LRRTM4: variants seen among roughly 807,000 people sequenced by gnomAD.
LRRTM4 encodes the protein leucine rich repeat transmembrane neuronal 4.
In LRRTM4, 25 loss-of-function variants were observed where a neutral mutation model predicts 47.6. That is an observed-to-expected ratio of 0.53 (90% confidence interval 0.38 to 0.73). The LOEUF (loss-of-function observed/expected upper bound fraction) is 0.73, where lower values mean the gene tolerates loss of function less well. LRRTM4 is among the 30% of genes least tolerant of loss of function. LRRTM4 has a pLI of 0.00. For synonymous variants in LRRTM4, 311 were observed against 269.5 expected (o/e 1.15, Z -1.51); for missense variants, 638 against 713.4 (o/e 0.89, Z 1.20).
chr2:76,787,296 A>G (rs534103820), intron 3 of LRRTM4, among the ~76,000 whole-genome samples: 3 of 152,294 alleles, frequency 2.0e-5, no homozygotes, highest in Admixed American at 2.0e-4. Context: ...TTGGATTTGC[A>G]TTATAAATAT....
At chr2:76,988,410 C>T (rs1308845194) in intron 3 of LRRTM4, among the ~76,000 whole-genome samples, 4 of 151,596 alleles carry the variant, frequency 2.6e-5, no homozygotes, top group Non-Finnish European at 5.9e-5. Flanking sequence ...TATCCTTGAC[C>T]CAGCTGCTAA....
At chr2:76,800,297 C>T (rs1410509585) in intron 3 of LRRTM4, among the ~76,000 whole-genome samples, 260 of 148,980 alleles carry the variant, frequency 1.7e-3, no homozygotes, top group African/African-American at 5.7e-3. Context: ...GAAATAGTGC[C>T]GCATATCTAC....
rs138341220 is a variant in LRRTM4 at position 76,982,945 on chromosome 2, TTTTTG to T, written c.1552-234034_1552-234030del. Among the ~76,000 whole-genome samples, 278 of 152,158 alleles carry T rather than the reference TTTTTG, an allele frequency of 1.8e-3. 2 individuals are homozygous for T. The East Asian group carries it at 0.021, about 12-fold the overall frequency. On this transcript the variant is annotated intron_variant, in intron 3 of 3. Coordinates refer to ENST00000409884, the MANE Select transcript of LRRTM4 (RefSeq NM_001134745.3). Reference sequence around the variant, plus strand: ...GCATAAAAGCATTTTTTAAACTTCTTTTTTGTTTTAAGTTACAGATAAGTAAATTG... The same window carrying T: ...GCATAAAAGCATTTTTTAAACTTCTTTTTTAAGTTACAGATAAGTAAATTG...
At position 76,977,460 on chromosome 2, in the gene LRRTM4, G is replaced by A. The variant is rs902041958; in HGVS notation, c.1552-228544C>T. Among the ~76,000 whole-genome samples, 4 of 151,982 alleles carry A rather than the reference G, an allele frequency of 2.6e-5. No individual in the cohort carries two copies. The South Asian group carries it at 8.3e-4, about 32-fold the overall frequency. On this transcript the variant is annotated intron_variant, in intron 3 of 3. Transcript: ENST00000409884. ...AAGCTAACTCTGAAAAATTACAAATGTTGATTTGTTCTCAATATGAAACTA... is the reference window on the plus strand; with the variant it reads ...AAGCTAACTCTGAAAAATTACAAATATTGATTTGTTCTCAATATGAAACTA...
At chr2:77,066,097 C>T (rs1483135875) in intron 3 of LRRTM4, among the ~76,000 whole-genome samples, 8 of 152,112 alleles carry the variant, frequency 5.3e-5, no homozygotes, top group Non-Finnish European at 4.4e-5. Context: ...ATGGATTTTA[C>T]AATGTGAATA....
At chr2:76,790,677 G>C (rs1023648915) in intron 3 of LRRTM4, among the ~76,000 whole-genome samples, 1 of 151,950 alleles carries the variant, frequency 6.6e-6, no homozygotes, top group African/African-American at 2.4e-5. Flanking sequence ...ACAGTATCTT[G>C]TAGTGTTACT....
intron 3 of LRRTM4, among the ~76,000 whole-genome samples, chr2:77,204,670 T>G (rs1674071034): frequency 6.6e-6 from 1 of 152,170 alleles, no homozygotes; most frequent in Admixed American, 6.6e-5. Flanking sequence ...ATCATAACAC[T>G]TTCTGTGATT....
intron 3 of LRRTM4, among the ~76,000 whole-genome samples, chr2:76,854,048 A>G (rs72819250): frequency 0.15 from 22,146 of 152,150 alleles, 2,035 homozygotes; most frequent in Admixed American, 0.22. Flanking sequence ...CTTCAGTAGC[A>G]GTCACTCTGA....
chr2:77,462,889 G>A (rs1214965744), intron 3 of LRRTM4, among the ~76,000 whole-genome samples: 1 of 151,792 alleles, frequency 6.6e-6, no homozygotes, highest in Non-Finnish European at 1.5e-5. Flanking sequence ...TGGTGTGCAT[G>A]TGTGTGTCTG....
chr2:77,329,049 A>T (rs894237291), intron 3 of LRRTM4, among the ~76,000 whole-genome samples: 3 of 152,184 alleles, frequency 2.0e-5, no homozygotes, highest in African/African-American at 7.2e-5. Flanking sequence ...TGGCTGCTGA[A>T]CATTGATATC....
chr2:77,473,280 C>A, intron 3 of LRRTM4, among the ~76,000 whole-genome samples: 1 of 152,096 alleles, frequency 6.6e-6, no homozygotes, highest in East Asian at 1.9e-4. Context: ...CAATCTTAAT[C>A]ATTTTTCTAA....
At chr2:76,927,636 G>A (rs1310807366) in intron 3 of LRRTM4, among the ~76,000 whole-genome samples, 3 of 152,116 alleles carry the variant, frequency 2.0e-5, no homozygotes, top group Admixed American at 2.0e-4. Context: ...TGCAGCCAAT[G>A]GAATCCTAAT....
intron 3 of LRRTM4, among the ~76,000 whole-genome samples, chr2:77,162,680 A>T (rs905441619): frequency 1.3e-5 from 2 of 152,184 alleles, no homozygotes; most frequent in African/African-American, 4.8e-5. Context: ...TCTGTTTGGC[A>T]GCCTCCACTG....
chr2:76,878,328 C>A (rs1672833945), intron 3 of LRRTM4, among the ~76,000 whole-genome samples: 1 of 151,922 alleles, frequency 6.6e-6, no homozygotes, highest in Non-Finnish European at 1.5e-5. Context: ...TGAGAGGCAA[C>A]CATATTGAAA....
intron 3 of LRRTM4, among the ~76,000 whole-genome samples, chr2:77,470,542 A>C (rs1677151242): frequency 6.6e-6 from 1 of 152,178 alleles, no homozygotes; most frequent in South Asian, 2.1e-4. Context: ...TTGAGTAAGC[A>C]TTAAGTCCAA....
rs116291461 is a variant in LRRTM4 at position 77,279,684 on chromosome 2, A to G, written c.1551+238634T>C. ...AAATTGCTATTATGAAAAATTTTAA[A>G]TGTATAAAAATTAGACTAATATAAT... On this transcript the variant is annotated intron_variant, in intron 3 of 3. Coordinates refer to ENST00000409884, the MANE Select transcript of LRRTM4 (RefSeq NM_001134745.3). 4.5e-3 allele frequency among the ~76,000 whole-genome samples: 681 copies of G among 152,078 alleles called. 6 individuals are homozygous for G. The highest frequency in any genetic ancestry group is 0.016 in the African/African-American group (652 of 41,520).
At chr2:77,020,187 A>AT (rs35481529) in intron 3 of LRRTM4, among the ~76,000 whole-genome samples, 83,091 of 151,766 alleles carry the variant, frequency 0.55, 25,059 homozygotes, top group African/African-American at 0.8. Context: ...TAATAAAAAA[A>AT]ATAGAAGGCA....
chr2:77,252,111 A>G (rs1675634040), intron 3 of LRRTM4, among the ~76,000 whole-genome samples: 1 of 152,182 alleles, frequency 6.6e-6, no homozygotes, highest in Non-Finnish European at 1.5e-5. Context: ...ACCAAACTCA[A>G]GACAATAGTT....
intron 3 of LRRTM4, among the ~76,000 whole-genome samples, chr2:76,919,705 A>C (rs1236607663): frequency 1.3e-5 from 2 of 152,208 alleles, no homozygotes; most frequent in South Asian, 4.1e-4. Context: ...TTCTATTTTT[A>C]CAGCCATTTT....
Sources: gnomAD v4.1 joint callset for allele counts (sites outside exome capture counted in the v4.1 genomes callset) on GRCh38, gnomAD v4.1.1 for gene constraint, MANE v1.5 for transcripts, NCBI Gene and HGNC (gene_info 2026-07-23, HGNC 2026-07-21) for gene names.